The following LGSN variants were observed in gnomAD, a reference collection of about 807,000 sequenced individuals.
LGSN encodes lengsin, lens protein with glutamine synthetase domain.
In LGSN, 21 loss-of-function variants were observed where a neutral mutation model predicts 19.5. That is an observed-to-expected ratio of 1.07 (90% CI 0.76 to 1.55). LGSN has a LOEUF of 1.55. Ranked by LOEUF, LGSN falls within the 40% of genes most tolerant of loss-of-function variation. The probability of loss-of-function intolerance (pLI) is 0.00; values close to 1 mark genes in which losing one functional copy is unlikely to be tolerated. For missense variants in LGSN, 673 were observed against 608.5 expected, an observed-to-expected ratio of 1.11 and a Z score of -1.12; for synonymous variants, 257 against 215.6, an observed-to-expected ratio of 1.19 and a Z score of -1.68.
At chr6:63,336,561 G>GTGTGTGTGTGTGTATA in the LGSN span, among the ~76,000 whole-genome samples, 1 of 127,578 alleles carries the variant, frequency 7.8e-6, no homozygotes, top group African/African-American at 3.0e-5. Flanking sequence ...GTGTGTGTGT[G>GTGTGTGTGTGTGTATA]TATATATATA....
chr6:63,537,527 C>T, the LGSN span, among the ~76,000 whole-genome samples: 1 of 152,304 alleles, frequency 6.6e-6, no homozygotes, highest in African/African-American at 2.4e-5. Context: ...TTAGAGCGTA[C>T]CTTTTCACCC....
In LGSN at chr6:63,281,328, TATAATAA is replaced by T. The variant is rs1401376804; in HGVS notation, c.331-115_331-109del. The T allele has an allele frequency of 3.6e-3, 611 of 167,794 alleles. 3 individuals are homozygous for T. Among genetic ancestry groups the T allele is most frequent in the Non-Finnish European group, 5.6e-3 (465 of 83,656 alleles). The allele number at this position is 167,794 out of a possible 1,614,324, so 10.4% of individuals were successfully genotyped here. On this transcript the variant is annotated intron_variant, in intron 3 of 3. Coordinates refer to ENST00000370657, the MANE Select transcript of LGSN (RefSeq NM_016571.3). ...AAATATATATATATATATATATATA[TATAATAA>T]ATATATATATATATGTTTAACACTT...
At chr6:63,362,722 C>G in the LGSN span, among the ~76,000 whole-genome samples, 1 of 152,186 alleles carries the variant, frequency 6.6e-6, no homozygotes, top group Admixed American at 6.5e-5. Flanking sequence ...GTGGAGCCCA[C>G]CGCAGTTCAA....
chr6:63,440,564 A>ATTTCCTTC, the LGSN span, among the ~76,000 whole-genome samples: 11 of 151,962 alleles, frequency 7.2e-5, no homozygotes, highest in African/African-American at 2.7e-4. Context: ...TAGAGCAGGC[A>ATTTCCTTC]CTCTACAGCT....
chr6:63,382,644 G>T, the LGSN span, among the ~76,000 whole-genome samples: 2 of 152,146 alleles, frequency 1.3e-5, no homozygotes, highest in Non-Finnish European at 2.9e-5. Flanking sequence ...CATTTTATGT[G>T]CCTGGGTGAT....
the LGSN span, among the ~76,000 whole-genome samples, chr6:63,553,154 C>A: frequency 6.6e-6 from 1 of 152,138 alleles, no homozygotes; most frequent in African/African-American, 2.4e-5. Context: ...GTATACAATT[C>A]AAATTTGAAC....
chr6:63,346,199 T>C, the LGSN span, among the ~76,000 whole-genome samples: 1 of 151,232 alleles, frequency 6.6e-6, no homozygotes, highest in Non-Finnish European at 1.5e-5. Context: ...GTGATAGGAG[T>C]GTCTCTTGTT....
At chr6:63,398,207 T>TAA in the LGSN span, among the ~76,000 whole-genome samples, 4 of 109,730 alleles carry the variant, frequency 3.6e-5, no homozygotes, top group South Asian at 2.9e-4. Flanking sequence ...TCCTATTTAC[T>TAA]AAAAAAAAAA....
chr6:63,529,614 C>T, the LGSN span, among the ~76,000 whole-genome samples: 4 of 152,226 alleles, frequency 2.6e-5, no homozygotes, highest in South Asian at 8.3e-4. Context: ...GCTTTGTTTG[C>T]TGTACTCTCT....
the LGSN span, among the ~76,000 whole-genome samples, chr6:63,339,707 C>T: frequency 1.3e-5 from 2 of 151,998 alleles, no homozygotes; most frequent in African/African-American, 4.8e-5. Context: ...AGGACTTGCT[C>T]CTGTCATTAT....
chr6:63,403,107 G>A, the LGSN span, among the ~76,000 whole-genome samples: 1 of 152,006 alleles, frequency 6.6e-6, no homozygotes, highest in African/African-American at 2.4e-5. Flanking sequence ...GAGACAGAGA[G>A]AGAGAGAGAG....
the LGSN span, among the ~76,000 whole-genome samples, chr6:63,329,296 G>T: frequency 1.3e-5 from 2 of 152,196 alleles, no homozygotes; most frequent in Admixed American, 6.5e-5. Context: ...GGGAGTCAGA[G>T]TGCAGGGGAA....
the LGSN span, among the ~76,000 whole-genome samples, chr6:63,428,305 A>G: frequency 5.9e-5 from 9 of 152,056 alleles, no homozygotes; most frequent in African/African-American, 2.2e-4. Context: ...TAAGGTATTT[A>G]TTTTCAGAAC....
the LGSN span, among the ~76,000 whole-genome samples, chr6:63,491,292 C>A: frequency 2.6e-5 from 4 of 152,128 alleles, no homozygotes; most frequent in African/African-American, 9.7e-5. Flanking sequence ...ATGCTTTTTG[C>A]TTGGAAGACA....
chr6:63,439,800 T>A, the LGSN span, among the ~76,000 whole-genome samples: 2 of 152,214 alleles, frequency 1.3e-5, no homozygotes, highest in African/African-American at 4.8e-5. Flanking sequence ...TTGTCAAAGC[T>A]CTACTCTTCT....
chr6:63,477,667 C>T, the LGSN span, among the ~76,000 whole-genome samples: 199 of 57,028 alleles, frequency 3.5e-3, no homozygotes, highest in Admixed American at 4.8e-3. Flanking sequence ...TTTTCTTTTT[C>T]TTCTTCTTCT....
chr6:63,363,875 G>T, the LGSN span, among the ~76,000 whole-genome samples: 68 of 152,120 alleles, frequency 4.5e-4, no homozygotes, highest in African/African-American at 1.6e-3. Flanking sequence ...CTCCAGAAGA[G>T]CAACTCCAAG....
At chr6:63,451,709 A>G in the LGSN span, among the ~76,000 whole-genome samples, 1 of 152,158 alleles carries the variant, frequency 6.6e-6, no homozygotes, top group South Asian at 2.1e-4. Flanking sequence ...ACACAAGTTT[A>G]CCTATGTAAC....
the LGSN span, among the ~76,000 whole-genome samples, chr6:63,523,359 C>A: frequency 6.6e-6 from 1 of 152,062 alleles, no homozygotes; most frequent in East Asian, 1.9e-4. Flanking sequence ...ATGGCAAAAC[C>A]CTGTCTCTAC....
Sources: allele counts gnomAD v4.1 joint callset (sites outside exome capture counted in the v4.1 genomes callset), GRCh38; gene constraint gnomAD v4.1.1; transcripts MANE v1.5; gene names NCBI Gene and HGNC (gene_info 2026-07-23, HGNC 2026-07-21).